The following SHANK2 variants were observed in gnomAD, a reference collection of about 807,000 sequenced individuals.
SHANK2 encodes the protein SH3 and multiple ankyrin repeat domains protein 2.
In SHANK2, 43 loss-of-function variants were observed where a neutral mutation model predicts 133.7. The ratio of observed to expected loss-of-function variants is 0.32; its 90% CI spans 0.25 to 0.41. The LOEUF (loss-of-function observed/expected upper bound fraction) is 0.41, where lower values mean the gene tolerates loss of function less well. SHANK2 is among the 10% of genes least tolerant of loss of function. SHANK2 has a pLI of 1.00. For missense variants in SHANK2, 1,994 were observed against 2,235.8 expected (o/e 0.89, Z 2.18); for synonymous variants, 1,017 against 952.8 (o/e 1.07, Z -1.24).
chr11:71,191,699 C>A (rs1316060407), intron 2 of SHANK2, among the ~76,000 whole-genome samples: 2 of 151,814 alleles, frequency 1.3e-5, no homozygotes, highest in African/African-American at 4.8e-5. Context: ...GCTGTGATTA[C>A]AGACATGCAC....
chr11:71,089,716 T>C (rs906197582), intron 8 of SHANK2, among the ~76,000 whole-genome samples: 2 of 152,064 alleles, frequency 1.3e-5, no homozygotes, highest in African/African-American at 4.8e-5. Context: ...CCAGGAGACC[T>C]CTTGGGGACC....
At chr11:70,553,667 C>A (rs1021409364) in intron 17 of SHANK2, among the ~76,000 whole-genome samples, 14 of 152,158 alleles carry the variant, frequency 9.2e-5, no homozygotes, top group Non-Finnish European at 5.9e-5. Flanking sequence ...GAGGGCCATG[C>A]GATCATCAGC....
chr11:70,550,183 C>G (rs1326567021), intron 17 of SHANK2, among the ~76,000 whole-genome samples: 2 of 152,176 alleles, frequency 1.3e-5, no homozygotes, highest in African/African-American at 4.8e-5. Context: ...CTATGCCCAC[C>G]CAGCAGCCCA....
chr11:71,168,752 C>T (rs59916295), intron 2 of SHANK2, among the ~76,000 whole-genome samples: 1,757 of 152,156 alleles, frequency 0.012, 36 homozygotes, highest in African/African-American at 0.04. Context: ...GCAGCAGTAC[C>T]GTCCAGCTTC....
intron 17 of SHANK2, among the ~76,000 whole-genome samples, chr11:70,526,718 C>T (rs569733179): frequency 9.8e-5 from 15 of 152,336 alleles, no homozygotes; most frequent in South Asian, 4.1e-4. Context: ...AGTCTCCTTT[C>T]GAAATTTTAT....
At position 71,252,093 on chromosome 11, in the gene SHANK2, G is replaced by A. The variant is rs1198147546; in HGVS notation, c.-113+332C>T. ...GGCAGGACGCGCCAGAGACTACGTG[G>A]TCCATGCGCGCAGGAGATAAAGCGG... On this transcript the variant is annotated intron_variant, in intron 1 of 25. Transcript: ENST00000601538. This position sits in a 1 kb window ranked among gnomAD's most constrained non-coding sequence, Gnocchi z 6.3. 2.0e-5 allele frequency among the ~76,000 whole-genome samples: 3 copies of A among 152,176 alleles called. No individual in the cohort carries two copies. The highest frequency in any genetic ancestry group is 1.9e-4 in the East Asian group (1 of 5,170).
intron 9 of SHANK2, among the ~76,000 whole-genome samples, chr11:71,062,335 C>T (rs1326462761): frequency 5.9e-5 from 9 of 152,238 alleles, no homozygotes; most frequent in Non-Finnish European, 1.3e-4. Context: ...AGAGAGAAAA[C>T]GAAGAGGAGG....
chr11:70,522,911 G>A (rs1565095266), intron 17 of SHANK2, among the ~76,000 whole-genome samples: 1 of 152,042 alleles, frequency 6.6e-6, no homozygotes, highest in Non-Finnish European at 1.5e-5. Context: ...CAGTTGCCCC[G>A]GCAACGTGCG....
intron 17 of SHANK2, among the ~76,000 whole-genome samples, chr11:70,588,220 G>T (rs1313263347): frequency 6.6e-6 from 1 of 151,964 alleles, no homozygotes; most frequent in Admixed American, 6.6e-5. Flanking sequence ...CATGCCAAGG[G>T]AATAAAAAAA....
In SHANK2 at chr11:70,500,529, T is replaced by TGATGGGCAGGGGGC; in HGVS notation, c.2308+27_2308+40dup. On this transcript the variant is annotated intron_variant, in intron 21 of 25. Coordinates refer to ENST00000601538, the MANE Select transcript of SHANK2 (RefSeq NM_012309.5). This position sits in a 1 kb window ranked among gnomAD's most constrained non-coding sequence, Gnocchi z 4.5. Reference sequence around the variant, plus strand: ...AGGATGTTTCTGTTCCACAGGGGGGTGATGGGCAGGGGGCTGAGACAGACA... The same window carrying TGATGGGCAGGGGGC: ...AGGATGTTTCTGTTCCACAGGGGGGTGATGGGCAGGGGGCGATGGGCAGGGGGCTGAGACAGACA... The TGATGGGCAGGGGGC allele has an allele frequency of 6.3e-7, 1 of 1,588,544 alleles. No individual in the cohort carries two copies. Among genetic ancestry groups the TGATGGGCAGGGGGC allele is most frequent in the Non-Finnish European group, 8.6e-7 (1 of 1,167,840 alleles).
At chr11:70,611,099 T>C (rs973200074) in intron 17 of SHANK2, among the ~76,000 whole-genome samples, 3 of 152,204 alleles carry the variant, frequency 2.0e-5, no homozygotes, top group Non-Finnish European at 2.9e-5. Flanking sequence ...AACCCAAGAA[T>C]TGCCTTTTCA....
intron 14 of SHANK2, among the ~76,000 whole-genome samples, chr11:70,796,630 G>T (rs1245009471): frequency 1.3e-5 from 2 of 152,252 alleles, no homozygotes; most frequent in Admixed American, 1.3e-4. Flanking sequence ...GAGAGGGTGG[G>T]TGTGGACCAG....
chr11:71,221,866 C>T lies in SHANK2; in HGVS notation c.-13+2831G>A, dbSNP rs146194609. ...TGACGCTGCAGCCATGGCACGGGGG[C>T]GTGAGGTGCCCACAAGACAATGTTC... On this transcript the variant is annotated intron_variant, in intron 2 of 25. Transcript: ENST00000601538. 8.0e-4 allele frequency among the ~76,000 whole-genome samples: 122 copies of T among 152,154 alleles called. 1 individual carries two copies. The highest frequency in any genetic ancestry group is 2.7e-3 in the African/African-American group (112 of 41,512).
intron 10 of SHANK2, among the ~76,000 whole-genome samples, chr11:70,924,352 T>G (rs1590838461): frequency 6.7e-6 from 1 of 149,994 alleles, no homozygotes; most frequent in South Asian, 2.1e-4. Flanking sequence ...GCTCCTAGGA[T>G]CTCGGGGCCG....
At chr11:70,872,636 C>T (rs927927706) in intron 11 of SHANK2, among the ~76,000 whole-genome samples, 4 of 152,080 alleles carry the variant, frequency 2.6e-5, no homozygotes, top group Admixed American at 6.5e-5. Context: ...CACACAGGTC[C>T]GTGAGCTACG....
chr11:70,758,473 C>T (rs370249050), intron 14 of SHANK2, among the ~76,000 whole-genome samples: 6 of 152,224 alleles, frequency 3.9e-5, no homozygotes, highest in South Asian at 2.1e-4. Context: ...GCTAGAGGCT[C>T]GCCATTGTTC....
chr11:70,778,318 C>T (rs1470085020), intron 14 of SHANK2, among the ~76,000 whole-genome samples: 1 of 152,184 alleles, frequency 6.6e-6, no homozygotes, highest in South Asian at 2.1e-4. Context: ...AAAATGGCCC[C>T]ACAGAGGATG....
intron 2 of SHANK2, among the ~76,000 whole-genome samples, chr11:71,156,094 C>G (rs1450623357): frequency 1.3e-5 from 2 of 152,086 alleles, no homozygotes; most frequent in African/African-American, 2.4e-5. Context: ...CGCCAGGGAG[C>G]GAGACCTCAG....
At chr11:70,719,640 G>C (rs1377924784) in intron 14 of SHANK2, among the ~76,000 whole-genome samples, 3 of 152,004 alleles carry the variant, frequency 2.0e-5, no homozygotes, top group African/African-American at 7.2e-5. Flanking sequence ...AGCCCTACCT[G>C]GCACGCCAGG....
Sources: gnomAD v4.1 joint callset for allele counts (sites outside exome capture counted in the v4.1 genomes callset) on GRCh38, gnomAD v4.1.1 for gene constraint, Gnocchi (gnomAD v3.1) non-coding constraint, MANE v1.5 for transcripts, NCBI Gene and HGNC (gene_info 2026-07-23, HGNC 2026-07-21) for gene names.